ZNF738: variants seen among roughly 807,000 people sequenced by gnomAD.
ZNF738 encodes the protein zinc finger protein 738.
Under a neutral mutation model 9.2 loss-of-function variants are expected in ZNF738, and 10 were observed. That is an observed-to-expected ratio of 1.09 (90% CI 0.67 to 1.85). ZNF738 has a LOEUF of 1.85. Ranked by LOEUF, ZNF738 falls within the 40% of genes most tolerant of loss-of-function variation. The pLI is 0.00. For synonymous variants in ZNF738, 113 were observed against 94.5 expected, an observed-to-expected ratio of 1.20 and a Z score of -1.14; for missense variants, 346 against 283.6, an observed-to-expected ratio of 1.22 and a Z score of -1.58.
At chr19:21,364,883 C>A (rs888849349) in intron 2 of ZNF738, among the ~76,000 whole-genome samples, 3 of 147,294 alleles carry the variant, frequency 2.0e-5, no homozygotes, top group South Asian at 2.2e-4. Context: ...GTGACTGGGA[C>A]TACAGGCATC....
rs1162304572 is a variant in ZNF738, at chr19:21,383,741, C to T, written c.*67C>T. ...TAAGATAATTCATACTGAAGAGAAA[C>T]CCTACAAATGTGAGGAATGTGGCAA... On this transcript the variant is annotated 3_prime_UTR_variant, in exon 5 of 5. Transcript: ENST00000683779. 1.8e-6 allele frequency: 2 copies of T among 1,099,196 alleles called. No individual in the cohort carries two copies. The highest frequency in any genetic ancestry group is 1.4e-6 in the Non-Finnish European group (1 of 722,122). 68.1% of individuals were successfully genotyped at this position (1,099,196 alleles called of 1,614,324 possible). A position where few individuals can be genotyped will look rare whatever the true frequency, so the allele number is the denominator to read the frequency against.
Position 21,384,003 on chromosome 19 carries a change from G to C in ZNF738, c.*329G>C. 1 of 1,496,798 alleles carries C rather than the reference G, an allele frequency of 6.7e-7. No homozygotes were observed. Among genetic ancestry groups the C allele is most frequent in the Non-Finnish European group, 9.3e-7 (1 of 1,077,772 alleles). 92.7% of individuals were successfully genotyped at this position (1,496,798 alleles called of 1,614,324 possible). ...TACTGGAGAGAAACCCTACAAATGT[G>C]AAGAATGTGGCAAAGCTTTCTACCG... On this transcript the variant is annotated 3_prime_UTR_variant, in exon 5 of 5. Coordinates refer to ENST00000683779, the MANE Select transcript of ZNF738 (RefSeq NM_001355237.2).
chr19:21,387,818 G>T lies in ZNF738; in HGVS notation c.*4144G>T, dbSNP rs943109143. Among the ~76,000 whole-genome samples, 1 of 152,110 alleles carries T rather than the reference G, an allele frequency of 6.6e-6. No homozygotes were observed. Among genetic ancestry groups the T allele is most frequent in the Non-Finnish European group, 1.5e-5 (1 of 68,002 alleles). On this transcript the variant is annotated 3_prime_UTR_variant, in exon 5 of 5. Coordinates refer to ENST00000683779, the MANE Select transcript of ZNF738 (RefSeq NM_001355237.2). ...ACCTTTACTTGAATCAAATTTTATT[G>T]TACACATTTTGTACTAGAGGAAAAC...
Position 21,387,964 on chromosome 19 carries a change from TTATACTGAAGAA to T in ZNF738, c.*4294_*4305del, listed in dbSNP as rs34245224. Among the ~76,000 whole-genome samples the T allele has an allele frequency of 0.015, 2,245 of 152,170 alleles. 66 individuals are homozygous for T. Among genetic ancestry groups the T allele is most frequent in the African/African-American group, 0.048 (1,991 of 41,524 alleles). On this transcript the variant is annotated 3_prime_UTR_variant, in exon 5 of 5. Transcript: ENST00000683779. ...AAACTACATCAGAAAACACCAGAGT[TTATACTGAAGAA>T]TATTTTTGAAGATGCACTAAAAATG...
In ZNF738 at chr19:21,387,518, A is replaced by C. The variant is rs376253573; in HGVS notation, c.*3844A>C. Among the ~76,000 whole-genome samples, 22 of 152,308 alleles carry C rather than the reference A, an allele frequency of 1.4e-4. No individual in the cohort carries two copies. In the East Asian group the frequency reaches 3.5e-3, roughly 24 times the overall value. On this transcript the variant is annotated 3_prime_UTR_variant, in exon 5 of 5. Coordinates refer to ENST00000683779, the MANE Select transcript of ZNF738 (RefSeq NM_001355237.2). ...CTTGATTACATTCAATATAATTCAT[A>C]CTGGAAAGAAATCCTACAAGTGAGA...
rs7254762 is a variant in ZNF738 at position 21,384,220 on chromosome 19, A to T, written c.*546A>T. 0.41 allele frequency: 571,245 copies of T among 1,392,072 alleles called. 124,272 individuals carry two copies. The highest frequency in any genetic ancestry group is 0.46 in the Non-Finnish European group (450,123 of 985,164). 86.2% of individuals were successfully genotyped at this position (1,392,072 alleles called of 1,614,324 possible). A position where few individuals can be genotyped will look rare whatever the true frequency, so the allele number is the denominator to read the frequency against. ...TGGTACTCACGCCTTACTACACATAAGAGAATTCATACTGGTGAGAAACCC... is the reference window on the plus strand; with the variant it reads ...TGGTACTCACGCCTTACTACACATATGAGAATTCATACTGGTGAGAAACCC... On this transcript the variant is annotated 3_prime_UTR_variant, in exon 5 of 5. Coordinates refer to ENST00000683779, the MANE Select transcript of ZNF738 (RefSeq NM_001355237.2).
chr19:21,363,152 A>G (rs1973721649), intron 2 of ZNF738, among the ~76,000 whole-genome samples: 1 of 152,234 alleles, frequency 6.6e-6, no homozygotes, highest in Non-Finnish European at 1.5e-5. Flanking sequence ...ATTTTCTGAT[A>G]GAAATACTTT....
chr19:21,359,319 C>G (rs1973651035), intron 1 of ZNF738, among the ~76,000 whole-genome samples, 176 bp downstream of exon 1: 1 of 152,232 alleles, frequency 6.6e-6, no homozygotes, highest in Non-Finnish European at 1.5e-5. Context: ...GTTGCGCCGA[C>G]AGCCCGGCCC....
intron 2 of ZNF738, among the ~76,000 whole-genome samples, chr19:21,363,452 G>T (rs1459660432): frequency 6.6e-6 from 1 of 152,222 alleles, no homozygotes; most frequent in East Asian, 1.9e-4. Context: ...TCTGATGAGA[G>T]AAGCTAGAGT....
In ZNF738 at chr19:21,383,607, AT is replaced by A; in HGVS notation, c.1063del (p.Trp355GlyfsTer10). The A allele has an allele frequency of 2.0e-6, 2 of 982,352 alleles. No individual in the cohort carries two copies. Among genetic ancestry groups the A allele is most frequent in the South Asian group, 2.5e-5 (2 of 78,998 alleles). The allele number at this position is 982,352 out of a possible 1,614,324, so 60.9% of individuals were successfully genotyped here. On this transcript the variant is annotated frameshift_variant, in exon 5 of 5. Transcript: ENST00000683779. LOFTEE classifies it low-confidence loss of function (END_TRUNC). ...YKCEECGKAFNWYSHLTRHKI... is the reference protein window; with the variant it reads ...YKCEECGKAFXWYSHLTRHKI... ...TGTGAGGAATGTGGCAAAGCTTTTAATTGGTACTCACACCTTACCAGACATA... is the reference window on the plus strand; with the variant it reads ...TGTGAGGAATGTGGCAAAGCTTTTAATGGTACTCACACCTTACCAGACATA...
chr19:21,383,028 A>T lies in ZNF738; in HGVS notation c.482A>T (p.Tyr161Phe). ...GAGTGTAATGTGCAAAAAGAAGGTT[A>T]TAATGAACTAAAAGAGTATTTGACA... Reference protein sequence around the residue: ...VNECNVQKEGYNELKEYLTTT... With the variant: ...VNECNVQKEGFNELKEYLTTT... The change falls in exon 5 of 5, where the codon TAT (tyrosine) becomes TTT (phenylalanine). Residue 161 changes from tyrosine (Y) to phenylalanine (F), a missense_variant. By Grantham distance (22) the Tyr-to-Phe change is conservative. Coordinates refer to ENST00000683779, the MANE Select transcript of ZNF738 (RefSeq NM_001355237.2). 3.6e-6 allele frequency: 3 copies of T among 828,996 alleles called. No individual in the cohort carries two copies. The highest frequency in any genetic ancestry group is 6.3e-6 in the Non-Finnish European group (3 of 479,180). The allele number at this position is 828,996 out of a possible 1,614,324, so 51.4% of individuals were successfully genotyped here. A position where few individuals can be genotyped will look rare whatever the true frequency, so the allele number is the denominator to read the frequency against.
At chr19:21,370,507 C>G (rs746611549) in intron 2 of ZNF738, among the ~76,000 whole-genome samples, 4 of 152,022 alleles carry the variant, frequency 2.6e-5, no homozygotes, top group Non-Finnish European at 4.4e-5. Flanking sequence ...GTAAATTTTT[C>G]TGATTCTTTG....
At chr19:21,374,165 T>C (rs1178984393) in intron 2 of ZNF738, among the ~76,000 whole-genome samples, 8 of 152,228 alleles carry the variant, frequency 5.3e-5, no homozygotes, top group African/African-American at 1.2e-4. Context: ...AGGTTTCATA[T>C]GTGTTCTTCA....
In ZNF738 at chr19:21,383,047, T is replaced by C; in HGVS notation, c.501T>C (p.Tyr167=). The C allele has an allele frequency of 1.0e-6, 1 of 981,658 alleles. No homozygotes were observed. Among genetic ancestry groups the C allele is most frequent in the African/African-American group, 1.6e-5 (1 of 62,588 alleles). The allele number at this position is 981,658 out of a possible 1,614,324, so 60.8% of individuals were successfully genotyped here. ...AAGGTTATAATGAACTAAAAGAGTA[T>C]TTGACAACTACCCAGAGCAAAATAT... ...QKEGYNELKE[Y]LTTTQSKIFQ... Residue 167 remains tyrosine (Y), a synonymous_variant, in exon 5 of 5, where the codon TAT becomes TAC. Transcript: ENST00000683779.
rs574747257 is a variant in ZNF738, at chr19:21,363,215, A to G, written c.96+1357A>G. ...AAGCACCTTAAAATTTTCTTCCCTT[A>G]TAGGAATACTGTGTTTGAGTAATTT... On this transcript the variant is annotated intron_variant, in intron 2 of 4. Coordinates refer to ENST00000683779, the MANE Select transcript of ZNF738 (RefSeq NM_001355237.2). Among the ~76,000 whole-genome samples, 11 of 152,318 alleles carry G rather than the reference A, an allele frequency of 7.2e-5. No individual in the cohort carries two copies. In the South Asian group the frequency reaches 2.3e-3, roughly 32 times the overall value.
chr19:21,382,925 C>A lies in ZNF738; in HGVS notation c.379C>A (p.Gln127Lys). The change falls in exon 5 of 5, where the codon CAA becomes AAA. Residue 127 changes from glutamine to lysine, a missense_variant. Physicochemically the swap from Gln to Lys is moderately conservative, Grantham distance 53. Transcript: ENST00000683779. The stretch of plus-strand genomic sequence containing the variant: ...ACAGCCGGGCATAAAAGATTCTTTC[C>A]AAAAAGTGATACTGAGAGAATATGG... ...WPQPGIKDSF[Q>K]KVILREYGNY... The A allele has an allele frequency of 1.8e-6, 1 of 560,162 alleles. No individual in the cohort carries two copies. Among genetic ancestry groups the A allele is most frequent in the South Asian group, 1.8e-5 (1 of 54,476 alleles). The allele number at this position is 560,162 out of a possible 1,614,324, so 34.7% of individuals were successfully genotyped here.
At chr19:21,365,425 C>A (rs1973762803) in intron 2 of ZNF738, among the ~76,000 whole-genome samples, 2 of 152,058 alleles carry the variant, frequency 1.3e-5, no homozygotes, top group Non-Finnish European at 2.9e-5. Context: ...CCTGACATTT[C>A]CTCCCTCTTT....
rs537071569 is a variant in ZNF738 at position 21,378,523 on chromosome 19, TCA to T, written c.319+2564_319+2565del. ...ACTATTTTCTTCAGATTTCACTATATCACACAGTTTTCTTCTGTCCTGAAAAA... is the reference window on the plus strand; with the variant it reads ...ACTATTTTCTTCAGATTTCACTATATCACAGTTTTCTTCTGTCCTGAAAAA... On this transcript the variant is annotated intron_variant, in intron 4 of 4. Coordinates refer to ENST00000683779, the MANE Select transcript of ZNF738 (RefSeq NM_001355237.2). 486 of 259,124 alleles carry T rather than the reference TCA, an allele frequency of 1.9e-3. 5 individuals are homozygous for T. Among genetic ancestry groups the T allele is most frequent in the South Asian group, 0.011 (308 of 28,358 alleles). 16.1% of individuals were successfully genotyped at this position (259,124 alleles called of 1,614,324 possible).
At position 21,386,517 on chromosome 19, in the gene ZNF738, TG is replaced by T; in HGVS notation, c.*2845del. 2.6e-6 allele frequency: 1 copy of T among 379,702 alleles called. No homozygotes were observed. The allele number at this position is 379,702 out of a possible 1,614,324, so 23.5% of individuals were successfully genotyped here. A position where few individuals can be genotyped will look rare whatever the true frequency, so the allele number is the denominator to read the frequency against. On this transcript the variant is annotated 3_prime_UTR_variant, in exon 5 of 5. Transcript: ENST00000683779. ...AGAAACCTCACAACTGTGAAGAATGTGGCAAAGCTTTTAACCAGTCCTACAA... is the reference window on the plus strand; with the variant it reads ...AGAAACCTCACAACTGTGAAGAATGTGCAAAGCTTTTAACCAGTCCTACAA...
Sources: gnomAD v4.1 joint callset for allele counts (sites outside exome capture counted in the v4.1 genomes callset) on GRCh38, gnomAD v4.1.1 for gene constraint, MANE v1.5 for transcripts, NCBI Gene and HGNC (gene_info 2026-07-23, HGNC 2026-07-21) for gene names.